Variants in FARSA observed in about 807,000 individuals in gnomAD.
FARSA encodes phenylalanyl-tRNA synthetase subunit alpha.
In FARSA, 37 loss-of-function variants were observed where a neutral mutation model predicts 63.2. The observed-to-expected ratio is 0.59, with a 90% CI of 0.45 to 0.77. The LOEUF (loss-of-function observed/expected upper bound fraction) is 0.77, where lower values mean the gene tolerates loss of function less well. Ranked by LOEUF, FARSA falls within the 30% of genes least tolerant of loss-of-function variation. The pLI is 0.00. For missense variants in FARSA, 618 were observed against 696.6 expected, an observed-to-expected ratio of 0.89 and a Z score of 1.27; for synonymous variants, 312 against 285.1, an observed-to-expected ratio of 1.09 and a Z score of -0.95.
intron 7 of FARSA, among the ~76,000 whole-genome samples, chr19:12,925,884 G>A (rs1971321296): frequency 6.6e-6 from 1 of 152,174 alleles, no homozygotes; most frequent in Non-Finnish European, 1.5e-5. Context: ...TGTTGGCCAG[G>A]CTGGTCTCGA....
chr19:12,929,080 A>C (rs143266970), intron 4 of FARSA, among the ~76,000 whole-genome samples: 109 of 152,260 alleles, frequency 7.2e-4, no homozygotes, highest in African/African-American at 2.5e-3. Flanking sequence ...GGGTCTGTTC[A>C]AGGTGCTAAG....
chr19:12,930,663 G>A lies in FARSA; in HGVS notation c.234C>T (p.Ala78=). The A allele has an allele frequency of 1.2e-6, 2 of 1,613,882 alleles. No homozygotes were observed. The highest frequency in any genetic ancestry group is 1.1e-5 in the South Asian group (1 of 91,082). ...CTGGGGGAATGCTTCGAAACACACGGGCCTCATGGCTGCCCTCCCGGGCAA... is the reference window on the plus strand; with the variant it reads ...CTGGGGGAATGCTTCGAAACACACGAGCCTCATGGCTGCCCTCCCGGGCAA... The part of the protein sequence containing the change: ...EEIAREGSHE[A]RVFRSIPPEG... The change falls in exon 2 of 13, where the codon GCC becomes GCT. Residue 78 remains alanine, a synonymous_variant. Transcript: ENST00000314606.
Position 12,922,722 on chromosome 19 carries a change from G to A in FARSA, c.*26C>T. On this transcript the variant is annotated 3_prime_UTR_variant, in exon 13 of 13. Coordinates refer to ENST00000314606, the MANE Select transcript of FARSA (RefSeq NM_004461.3). ...AGCGCAGCAGCAGGGACTCGGGGAG[G>A]ATGACCTGTCCTAGAGTGGCCCATG... 8 of 1,611,890 alleles carry A rather than the reference G, an allele frequency of 5.0e-6. No individual in the cohort carries two copies. The highest frequency in any genetic ancestry group is 6.8e-6 in the Non-Finnish European group (8 of 1,179,884).
In FARSA at chr19:12,922,773, G is replaced by T; in HGVS notation, c.1502C>A (p.Pro501His). The T allele has an allele frequency of 3.1e-6, 5 of 1,613,950 alleles. No homozygotes were observed. The highest frequency in any genetic ancestry group is 2.5e-6 in the Non-Finnish European group (3 of 1,180,018). The change falls in exon 13 of 13, where the codon CCC becomes CAC. Residue 501 changes from proline to histidine, a missense_variant. Pro to His is a moderately conservative substitution (Grantham distance 77). Transcript: ENST00000314606. ...PLCRLDAEPRPPPTQEAA is the reference protein window; with the variant it reads ...PLCRLDAEPRHPPTQEAA The stretch of plus-strand genomic sequence containing the variant: ...TCACGCAGCCTCCTGTGTGGGAGGG[G>T]GCCTCGGCTCGGCATCCAGGCGGCA...
At position 12,932,718 on chromosome 19, in the gene FARSA, G is replaced by A. The variant is rs569993478; in HGVS notation, c.147+832C>T. Among the ~76,000 whole-genome samples the A allele has an allele frequency of 5.9e-5, 9 of 152,290 alleles. No individual in the cohort carries two copies. In the South Asian group the frequency reaches 1.9e-3, roughly 32 times the overall value. On this transcript the variant is annotated intron_variant, in intron 1 of 12. Coordinates refer to ENST00000314606, the MANE Select transcript of FARSA (RefSeq NM_004461.3). ...AAACAGCCCAGATCCTGGCCCCATGGATCTAGCCTTCTGGGTGGCCCACGG... is the reference window on the plus strand; with the variant it reads ...AAACAGCCCAGATCCTGGCCCCATGAATCTAGCCTTCTGGGTGGCCCACGG...
rs778167551 is a variant in FARSA, at chr19:12,933,672, G to C, written c.25C>G (p.Leu9Val). The C allele has an allele frequency of 6.4e-7, 1 of 1,571,352 alleles. No homozygotes were observed. The highest frequency in any genetic ancestry group is 8.6e-7 in the Non-Finnish European group (1 of 1,162,554). MADGQVAE[L>V]LLRRLEASDG... Reference sequence around the variant, plus strand: ...GACGCCTCCAGCCGCCGGAGCAGCAGTTCCGCCACCTGACCATCCGCCATG... The same window carrying C: ...GACGCCTCCAGCCGCCGGAGCAGCACTTCCGCCACCTGACCATCCGCCATG... The change falls in exon 1 of 13, where the codon CTG becomes GTG. Residue 9 changes from leucine (L) to valine (V), a missense_variant. By Grantham distance (32) the Leu-to-Val change is conservative. Coordinates refer to ENST00000314606, the MANE Select transcript of FARSA (RefSeq NM_004461.3).
At position 12,928,533 on chromosome 19, in the gene FARSA, A is replaced by G; in HGVS notation, c.725+2T>C. ...AGGCACCGCCCCCAGCCCTGTGCTCACCCCATCTCCAGGAAGATCTGTCGG... is the reference window on the plus strand; with the variant it reads ...AGGCACCGCCCCCAGCCCTGTGCTCGCCCCATCTCCAGGAAGATCTGTCGG... On this transcript the variant is annotated splice_donor_variant, in intron 6 of 12. Coordinates refer to ENST00000314606, the MANE Select transcript of FARSA (RefSeq NM_004461.3). LOFTEE classifies it high-confidence loss of function. 6.2e-7 allele frequency: 1 copy of G among 1,613,980 alleles called. No homozygotes were observed. Among genetic ancestry groups the G allele is most frequent in the Non-Finnish European group, 8.5e-7 (1 of 1,179,970 alleles).
chr19:12,930,981 G>A (rs1033486138), intron 1 of FARSA, among the ~76,000 whole-genome samples: 2 of 152,108 alleles, frequency 1.3e-5, no homozygotes, highest in East Asian at 3.8e-4. Flanking sequence ...CACCTCCCAG[G>A]GTAAAGTACA....
chr19:12,922,961 T>C (rs1971281505), intron 12 of FARSA, 75 bp from the exon 13 acceptor site: 3 of 1,597,614 alleles, frequency 1.9e-6, no homozygotes, highest in African/African-American at 2.7e-5. Flanking sequence ...ATGGCTCCCA[T>C]CTTCTTCAGA....
rs753492008 is a variant in FARSA at position 12,924,620 on chromosome 19, C to G, written c.1195+19G>C. The G allele has an allele frequency of 3.7e-6, 6 of 1,608,606 alleles. No individual in the cohort carries two copies. Among genetic ancestry groups the G allele is most frequent in the Non-Finnish European group, 4.2e-6 (5 of 1,176,950 alleles). On this transcript the variant is annotated intron_variant, in intron 10 of 12. Transcript: ENST00000314606. This position sits in a 1 kb window ranked among gnomAD's most constrained non-coding sequence, Gnocchi z 6.4. Reference sequence around the variant, plus strand: ...CCCGCTGCCTCACCACCATGGCCCACCCCTGCCCCCCTGCTCACCCAGCTT... The same window carrying G: ...CCCGCTGCCTCACCACCATGGCCCAGCCCTGCCCCCCTGCTCACCCAGCTT...
Position 12,926,202 on chromosome 19 carries a change from T to C in FARSA, c.842-1028A>G, listed in dbSNP as rs141883243. On this transcript the variant is annotated intron_variant, in intron 7 of 12. Transcript: ENST00000314606. ...CAGGATGGTCTCGATCCACCCACCG[T>C]GGCCTCCCAAAGTGCTGGAATTACA... 8.7e-3 allele frequency among the ~76,000 whole-genome samples: 1,284 copies of C among 147,374 alleles called. 20 individuals carry two copies. Among genetic ancestry groups the C allele is most frequent in the African/African-American group, 0.03 (1,214 of 39,840 alleles).
At position 12,930,624 on chromosome 19, in the gene FARSA, C is replaced by T; in HGVS notation, c.273G>A (p.Gln91=). ...CCGCAGCTCCTACCATAAGCTCGCT[C>T]TGGGCCAGGCCCTCTGGGGGAATGC... is the stretch of plus-strand genomic sequence containing the variant. ...FRSIPPEGLA[Q]SELMRLPSGK... The change falls in exon 2 of 13, where the codon CAG becomes CAA. Residue 91 remains glutamine (Q), a synonymous_variant. Coordinates refer to ENST00000314606, the MANE Select transcript of FARSA (RefSeq NM_004461.3). The T allele has an allele frequency of 6.2e-7, 1 of 1,611,490 alleles. No homozygotes were observed. The highest frequency in any genetic ancestry group is 8.5e-7 in the Non-Finnish European group (1 of 1,178,134).
rs1971300213 is a variant in FARSA at position 12,924,361 on chromosome 19, G to A, written c.1273+88C>T. ...GTCTAGGTGGTGAGCTTGGGAGGTG[G>A]GGTACAGGCATGGCAATGGGGGGAC... On this transcript the variant is annotated intron_variant, in intron 11 of 12. Coordinates refer to ENST00000314606, the MANE Select transcript of FARSA (RefSeq NM_004461.3). This position sits in a 1 kb window ranked among gnomAD's most constrained non-coding sequence, Gnocchi z 6.4. 5 of 1,533,378 alleles carry A rather than the reference G, an allele frequency of 3.3e-6. No homozygotes were observed. The highest frequency in any genetic ancestry group is 4.5e-6 in the Non-Finnish European group (5 of 1,111,342). The allele number at this position is 1,533,378 out of a possible 1,614,324, so 95.0% of individuals were successfully genotyped here.
chr19:12,929,960 AG>A (rs2145999672), intron 4 of FARSA, among the ~76,000 whole-genome samples: 1 of 152,314 alleles, frequency 6.6e-6, no homozygotes, highest in South Asian at 2.1e-4. Context: ...GAGGGCTGTC[AG>A]GGTGGCCTCT....
Position 12,924,812 on chromosome 19 carries a change from G to A in FARSA, c.1027-5C>T, listed in dbSNP as rs1256131598. 7.5e-5 allele frequency: 120 copies of A among 1,610,372 alleles called. No homozygotes were observed. The highest frequency in any genetic ancestry group is 1.0e-4 in the Non-Finnish European group (120 of 1,177,398). On this transcript the variant is annotated splice_region_variant and splice_polypyrimidine_tract_variant and intron_variant, in intron 9 of 12. Coordinates refer to ENST00000314606, the MANE Select transcript of FARSA (RefSeq NM_004461.3). This position sits in a 1 kb window ranked among gnomAD's most constrained non-coding sequence, Gnocchi z 6.4. ...CTTGACCGGAGTGAAGGGCTTCTAG[G>A]GGTGACAACCGAGCCAGGCCCAGGT...
At position 12,924,096 on chromosome 19, in the gene FARSA, C is replaced by T. The variant is rs983126038; in HGVS notation, c.1388+55G>A. ...TGCTGAAACCACGCAGGCCCCTATACCTGGAGAGTTATTTGAGGCAGCTGG... is the reference window on the plus strand; with the variant it reads ...TGCTGAAACCACGCAGGCCCCTATATCTGGAGAGTTATTTGAGGCAGCTGG... On this transcript the variant is annotated intron_variant, in intron 12 of 12. Coordinates refer to ENST00000314606, the MANE Select transcript of FARSA (RefSeq NM_004461.3). This position sits in a 1 kb window ranked among gnomAD's most constrained non-coding sequence, Gnocchi z 6.4. 24 of 1,395,692 alleles carry T rather than the reference C, an allele frequency of 1.7e-5. No homozygotes were observed. Among genetic ancestry groups the T allele is most frequent in the Middle Eastern group, 1.8e-4 (1 of 5,656 alleles). The allele number at this position is 1,395,692 out of a possible 1,614,324, so 86.5% of individuals were successfully genotyped here. A position where few individuals can be genotyped will look rare whatever the true frequency, so the allele number is the denominator to read the frequency against.
intron 1 of FARSA, among the ~76,000 whole-genome samples, chr19:12,931,315 G>T (rs541027148): frequency 1.3e-5 from 2 of 152,150 alleles, no homozygotes; most frequent in East Asian, 1.9e-4. Context: ...TCAGGCTAGA[G>T]TGCAATGGTG....
chr19:12,932,036 ATT>A (rs35705523), intron 1 of FARSA, among the ~76,000 whole-genome samples: 19 of 132,456 alleles, frequency 1.4e-4, no homozygotes, highest in African/African-American at 2.2e-4. Flanking sequence ...CACTGCATAA[ATT>A]TTTTTTTTTT....
At chr19:12,929,721 G>C (rs1002851854) in intron 4 of FARSA, among the ~76,000 whole-genome samples, 1 of 152,166 alleles carries the variant, frequency 6.6e-6, no homozygotes, top group Admixed American at 6.6e-5. Flanking sequence ...GACAGAGCCC[G>C]AACTTCAGTT....
Sources: gnomAD v4.1 joint callset for allele counts (sites outside exome capture counted in the v4.1 genomes callset) on GRCh38, gnomAD v4.1.1 for gene constraint, Gnocchi (gnomAD v3.1) non-coding constraint, MANE v1.5 for transcripts, NCBI Gene and HGNC (gene_info 2026-07-23, HGNC 2026-07-21) for gene names.